Variants in FDCSP observed in about 807,000 individuals in gnomAD.
FDCSP encodes follicular dendritic cell secreted protein.
In FDCSP, 8 loss-of-function variants were observed where a neutral mutation model predicts 8.9. The observed-to-expected ratio is 0.90, with a 90% confidence interval of 0.53 to 1.63. The LOEUF is 1.63. Ranked by LOEUF, FDCSP falls within the 40% of genes most tolerant of loss-of-function variation. The pLI is 0.00. For synonymous variants in FDCSP, 34 were observed against 34.5 expected, an observed-to-expected ratio of 0.98 and a Z score of 0.06; for missense variants, 101 against 103.6, an observed-to-expected ratio of 0.98 and a Z score of 0.11.
chr4:70,231,886 G>C (rs970995666), intron 2 of FDCSP, among the ~76,000 whole-genome samples: 1 of 151,644 alleles, frequency 6.6e-6, no homozygotes, highest in Non-Finnish European at 1.5e-5. Context: ...CAGTGACATT[G>C]ATGACCCTGA....
intron 4 of FDCSP, 49 bp downstream of exon 4, chr4:70,234,264 G>T (rs939178109): frequency 2.1e-6 from 3 of 1,413,348 alleles, no homozygotes; most frequent in Non-Finnish European, 1.9e-6. Flanking sequence ...TTGCAGATTG[G>T]AATCCATAAT....
intron 1 of FDCSP, 35 bp from the exon 2 acceptor site, chr4:70,231,160 A>G: frequency 6.5e-7 from 1 of 1,540,024 alleles, no homozygotes; most frequent in Non-Finnish European, 8.9e-7. Flanking sequence ...ATAAAATGAA[A>G]GTTCTTCTTA....
At chr4:70,234,834 A>T (rs1308158084) in intron 4 of FDCSP, among the ~76,000 whole-genome samples, 1 of 150,366 alleles carries the variant, frequency 6.7e-6, no homozygotes, top group Non-Finnish European at 1.5e-5. Flanking sequence ...TTTATAATTT[A>T]ATATATATAA....
At chr4:70,227,347 T>A (rs982191259) in intron 1 of FDCSP, among the ~76,000 whole-genome samples, 4 of 151,820 alleles carry the variant, frequency 2.6e-5, no homozygotes, top group African/African-American at 4.8e-5. Context: ...TATTAGATTA[T>A]CTGGTACTTT....
chr4:70,234,309 T>C, intron 4 of FDCSP, 94 bp downstream of exon 4: 2 of 1,024,878 alleles, frequency 2.0e-6, no homozygotes, highest in Non-Finnish European at 2.8e-6. Flanking sequence ...ATGTCCCTAG[T>C]TGGCCCCTTT....
At position 70,234,082 on chromosome 4, in the gene FDCSP, C is replaced by G; in HGVS notation, c.153C>G (p.Arg51=). ...TGTTCCCTTACCCATATCCATTTCGCCCACTTCCACCAATTCCATTTCCAA... is the reference window on the plus strand; with the variant it reads ...TGTTCCCTTACCCATATCCATTTCGGCCACTTCCACCAATTCCATTTCCAA... ...FFVFPYPYPF[R]PLPPIPFPRF... The change falls in exon 4 of 5, where the codon CGC becomes CGG. Residue 51 remains arginine, a synonymous_variant. Coordinates refer to ENST00000317987, the MANE Select transcript of FDCSP (RefSeq NM_152997.4). The G allele has an allele frequency of 6.2e-7, 1 of 1,611,286 alleles. No individual in the cohort carries two copies. Among genetic ancestry groups the G allele is most frequent in the East Asian group, 2.2e-5 (1 of 44,788 alleles).
chr4:70,230,110 GA>G (rs1182342593), intron 1 of FDCSP, among the ~76,000 whole-genome samples: 1 of 151,600 alleles, frequency 6.6e-6, no homozygotes, highest in Non-Finnish European at 1.5e-5. Context: ...CAGTTATCAA[GA>G]AAACCTTTAT....
rs187173668 is a variant in FDCSP, at chr4:70,226,190, A to G, written c.-1+8A>G. On this transcript the variant is annotated splice_region_variant and intron_variant, in intron 1 of 4. Transcript: ENST00000317987. ...CTGACTGAAACGTTTGAGGTAAGAA[A>G]GGTCTTAAATATCATTGTAAACTAA... The G allele has an allele frequency of 2.6e-5, 4 of 152,038 alleles. No individual in the cohort carries two copies. Among genetic ancestry groups the G allele is most frequent in the Admixed American group, 2.0e-4 (3 of 15,206 alleles). 9.4% of individuals were successfully genotyped at this position (152,038 alleles called of 1,614,324 possible). A position where few individuals can be genotyped will look rare whatever the true frequency, so the allele number is the denominator to read the frequency against.
intron 3 of FDCSP, among the ~76,000 whole-genome samples, chr4:70,233,253 G>A (rs565849394): frequency 3.1e-4 from 47 of 151,722 alleles, no homozygotes; most frequent in Admixed American, 2.6e-3. Context: ...ATTGAAATCC[G>A]AATCACTCTG....
intron 2 of FDCSP, 115 bp downstream of exon 2, chr4:70,231,366 C>G (rs1202575019): frequency 2.5e-6 from 2 of 795,378 alleles, no homozygotes; most frequent in Non-Finnish European, 3.9e-6. Flanking sequence ...ACAGAGCTAC[C>G]AAGTGCAGTG....
intron 2 of FDCSP, among the ~76,000 whole-genome samples, chr4:70,232,757 T>C (rs1353666665): frequency 6.6e-6 from 1 of 151,652 alleles, no homozygotes; most frequent in Non-Finnish European, 1.5e-5. Context: ...CCATATACTG[T>C]TCAGTGCATA....
chr4:70,226,465 G>C (rs529679400), intron 1 of FDCSP, among the ~76,000 whole-genome samples: 2 of 151,890 alleles, frequency 1.3e-5, no homozygotes, highest in South Asian at 4.2e-4. Context: ...TGGTGGGGGA[G>C]AGTGTGGACA....
At chr4:70,231,141 T>C (rs1300726070) in intron 1 of FDCSP, 54 bp from the exon 2 acceptor site, 15 of 1,407,408 alleles carry the variant, frequency 1.1e-5, no homozygotes, top group African/African-American at 1.4e-5. Flanking sequence ...ACTTCTAGGA[T>C]ATTTATGAAT....
chr4:70,234,161 A>C lies in FDCSP; in HGVS notation c.232A>C (p.Thr78Pro). ...TATTCCAATACCTGAATCTGCCCCT[A>C]CAACTCCCCTTCCTAGCGAAAAGTA... is the stretch of plus-strand genomic sequence containing the variant. ...FPIPIPESAP[T>P]TPLPSEK The change falls in exon 4 of 5, where the codon ACA becomes CCA. Residue 78 changes from threonine to proline, a missense_variant. Coordinates refer to ENST00000317987, the MANE Select transcript of FDCSP (RefSeq NM_152997.4). 1 of 1,610,098 alleles carries C rather than the reference A, an allele frequency of 6.2e-7. No individual in the cohort carries two copies. The highest frequency in any genetic ancestry group is 8.5e-7 in the Non-Finnish European group (1 of 1,177,724).
At chr4:70,233,897 G>A in intron 3 of FDCSP, 123 bp from the exon 4 acceptor site, 1 of 847,228 alleles carries the variant, frequency 1.2e-6, no homozygotes, top group Non-Finnish European at 1.8e-6. Context: ...AAAGGATAAA[G>A]GATTTTAGAG....
chr4:70,234,553 G>A (rs1214023369), intron 4 of FDCSP, among the ~76,000 whole-genome samples: 1 of 151,478 alleles, frequency 6.6e-6, no homozygotes, highest in Non-Finnish European at 1.5e-5. Context: ...AACCAAGGTG[G>A]AGATCATAGT....
At chr4:70,233,104 A>T in intron 3 of FDCSP, 78 bp downstream of exon 3, 1 of 1,271,350 alleles carries the variant, frequency 7.9e-7, no homozygotes, top group Non-Finnish European at 1.1e-6. Flanking sequence ...ATATTGATTT[A>T]TCTAAACCTC....
chr4:70,233,765 T>C (rs779183549), intron 3 of FDCSP, among the ~76,000 whole-genome samples: 2 of 151,164 alleles, frequency 1.3e-5, no homozygotes, highest in Non-Finnish European at 3.0e-5. Context: ...CTTGGCCTTG[T>C]AGGTAAAGAA....
chr4:70,226,722 T>A (rs554090692), intron 1 of FDCSP, among the ~76,000 whole-genome samples: 1 of 151,924 alleles, frequency 6.6e-6, no homozygotes, highest in African/African-American at 2.4e-5. Context: ...TCTAGGAAGA[T>A]GCATCTGATT....
Sources: gnomAD v4.1 joint callset for allele counts (sites outside exome capture counted in the v4.1 genomes callset) on GRCh38, gnomAD v4.1.1 for gene constraint, MANE v1.5 for transcripts, NCBI Gene and HGNC (gene_info 2026-07-23, HGNC 2026-07-21) for gene names.